The following SAMD12 variants were observed in gnomAD, a reference collection of about 807,000 sequenced individuals.
SAMD12 encodes the protein sterile alpha motif domain-containing protein 12.
Under a neutral mutation model 15.0 loss-of-function variants are expected in SAMD12, and 9 were observed. The ratio of observed to expected loss-of-function variants is 0.60; its 90% CI spans 0.36 to 1.05. The LOEUF (loss-of-function observed/expected upper bound fraction) is 1.05. Ranked by LOEUF, SAMD12 falls within the 50% of genes least tolerant of loss-of-function variation. SAMD12 has a pLI of 0.01. For synonymous variants in SAMD12, 86 were observed against 90.1 expected, an observed-to-expected ratio of 0.96 and a Z score of 0.25; for missense variants, 230 against 234.2, an observed-to-expected ratio of 0.98 and a Z score of 0.12.
chr8:118,209,712 T>C (rs1819965290), intron 4 of SAMD12, among the ~76,000 whole-genome samples: 2 of 152,218 alleles, frequency 1.3e-5, no homozygotes, highest in South Asian at 4.1e-4. Context: ...AAGACTACGA[T>C]GTTTGAAATT....
At chr8:118,134,003 C>T in the SAMD12 span, among the ~76,000 whole-genome samples, 4 of 152,102 alleles carry the variant, frequency 2.6e-5, no homozygotes, top group Admixed American at 6.6e-5. Flanking sequence ...TGAAACTGTT[C>T]GAGCTCTAAT....
In SAMD12 at chr8:118,605,765, A is replaced by T. The variant is rs538215358; in HGVS notation, c.13+16039T>A. Among the ~76,000 whole-genome samples, 74 of 127,570 alleles carry T rather than the reference A, an allele frequency of 5.8e-4. 1 individual carries two copies. Among genetic ancestry groups the T allele is most frequent in the African/African-American group, 1.5e-3 (50 of 34,468 alleles). 83.7% of individuals were successfully genotyped at this position (127,570 alleles called of 152,430 possible). On this transcript the variant is annotated intron_variant, in intron 1 of 3. Transcript: ENST00000314727. Reference sequence around the variant, plus strand: ...GTATGGCTGAAAACAAACCCATCACAATATATATATATATATATATATATA... The same window carrying T: ...GTATGGCTGAAAACAAACCCATCACTATATATATATATATATATATATATA...
chr8:118,139,814 C>A, the SAMD12 span, among the ~76,000 whole-genome samples: 3 of 152,346 alleles, frequency 2.0e-5, no homozygotes, highest in Admixed American at 6.5e-5. Flanking sequence ...GACTGAGGCC[C>A]ATTTTCCGTT....
chr8:118,571,561 C>T (rs749288458), intron 2 of SAMD12, among the ~76,000 whole-genome samples: 5 of 152,186 alleles, frequency 3.3e-5, no homozygotes, highest in South Asian at 4.1e-4. Flanking sequence ...TTTTGTGGGC[C>T]GGGCCCAGGG....
intron 2 of SAMD12, among the ~76,000 whole-genome samples, chr8:118,541,516 T>C (rs778673717): frequency 3.3e-5 from 5 of 152,156 alleles, no homozygotes; most frequent in Non-Finnish European, 7.3e-5. Context: ...ATTACTTAAA[T>C]GTGCCACTGT....
Position 118,379,679 on chromosome 8 carries a change from G to A in SAMD12, c.344C>T (p.Thr115Ile). The A allele has an allele frequency of 1.2e-6, 2 of 1,613,828 alleles. No individual in the cohort carries two copies. Among genetic ancestry groups the A allele is most frequent in the Non-Finnish European group, 1.7e-6 (2 of 1,179,786 alleles). The change falls in exon 4 of 4, where the codon ACT becomes ATT. Residue 115 changes from threonine (T) to isoleucine (I), a missense_variant. Physicochemically the swap from Thr to Ile is moderately conservative, Grantham distance 89. Transcript: ENST00000314727. ...DITGRALLRL[T>I]DKKLERMGIA... ...CCCCATTCGCTCGAGCTTTTTGTCA[G>A]TAAGTCTCAGCAGGGCTCGCCCTGC...
Position 118,430,511 on chromosome 8 carries a change from T to C in SAMD12, c.322+9321A>G, listed in dbSNP as rs962245875. On this transcript the variant is annotated intron_variant, in intron 3 of 3. Coordinates refer to ENST00000314727, the MANE Select transcript of SAMD12 (RefSeq NM_207506.3). ...CCGAGTAGCTGGGACTACAGGTGTA[T>C]GCCATCATGCCCAGCTAATTTTTGT... 3.7e-4 allele frequency among the ~76,000 whole-genome samples: 56 copies of C among 152,032 alleles called. 2 individuals carry two copies. Among genetic ancestry groups the C allele is most frequent in the East Asian group, 1.9e-4 (1 of 5,170 alleles).
chr8:118,391,184 C>T (rs1000945877), intron 3 of SAMD12, among the ~76,000 whole-genome samples: 4 of 152,148 alleles, frequency 2.6e-5, no homozygotes, highest in African/African-American at 9.7e-5. Flanking sequence ...TTGTCTTAGT[C>T]CCTGGGAAGA....
intron 3 of SAMD12, among the ~76,000 whole-genome samples, chr8:118,433,847 GGATA>G (rs1190653012): frequency 6.6e-6 from 1 of 152,156 alleles, no homozygotes; most frequent in Non-Finnish European, 1.5e-5. Context: ...CTGACACACT[GGATA>G]GTTAAATACG....
At chr8:118,471,401 T>C (rs1187866130) in intron 2 of SAMD12, among the ~76,000 whole-genome samples, 1 of 152,216 alleles carries the variant, frequency 6.6e-6, no homozygotes, top group African/African-American at 2.4e-5. Flanking sequence ...CATCGTGTAC[T>C]CCATTGCAAA....
chr8:118,495,011 A>G lies in SAMD12; in HGVS notation c.193-55050T>C, dbSNP rs565890422. ...CCTATCTACAGGCTGGGGATATGAA[A>G]GTCTGTATATTATGGAGTACTTACA... On this transcript the variant is annotated intron_variant, in intron 2 of 3. Coordinates refer to ENST00000314727, the MANE Select transcript of SAMD12 (RefSeq NM_207506.3). 4.0e-4 allele frequency among the ~76,000 whole-genome samples: 61 copies of G among 152,350 alleles called. No individual in the cohort carries two copies. In the South Asian group the frequency reaches 9.7e-3, roughly 24 times the overall value.
intron 2 of SAMD12, among the ~76,000 whole-genome samples, chr8:118,577,365 T>C (rs1187541410): frequency 2.0e-5 from 3 of 152,200 alleles, no homozygotes; most frequent in Non-Finnish European, 4.4e-5. Flanking sequence ...TTTAAAATTA[T>C]GAAAGCAATA....
At chr8:118,150,692 T>C in the SAMD12 span, among the ~76,000 whole-genome samples, 1 of 152,210 alleles carries the variant, frequency 6.6e-6, no homozygotes, top group Non-Finnish European at 1.5e-5. Flanking sequence ...CTTTAAATAA[T>C]TGATCATCTC....
the SAMD12 span, among the ~76,000 whole-genome samples, chr8:118,146,113 CTT>C: frequency 6.6e-6 from 1 of 152,326 alleles, no homozygotes; most frequent in South Asian, 2.1e-4. Context: ...CAAACTCCGA[CTT>C]CGGTACAGGA....
intron 2 of SAMD12, among the ~76,000 whole-genome samples, chr8:118,507,592 ATAAT>A (rs1048438471): frequency 6.6e-6 from 1 of 152,220 alleles, no homozygotes; most frequent in Non-Finnish European, 1.5e-5. Context: ...GATATCAATA[ATAAT>A]TAAAGTTAAT....
chr8:118,177,909 G>C, the SAMD12 span, among the ~76,000 whole-genome samples: 2 of 152,146 alleles, frequency 1.3e-5, no homozygotes, highest in African/African-American at 4.8e-5. Flanking sequence ...CACACATGCA[G>C]GTTTATCTGC....
intron 4 of SAMD12, among the ~76,000 whole-genome samples, chr8:118,321,535 A>C (rs1376733410): frequency 6.6e-6 from 1 of 151,922 alleles, no homozygotes; most frequent in Non-Finnish European, 1.5e-5. Flanking sequence ...AATTGCTTGA[A>C]CCTAGGAGAT....
At chr8:118,217,659 A>AG (rs1209754287) in intron 4 of SAMD12, among the ~76,000 whole-genome samples, 2 of 122,826 alleles carry the variant, frequency 1.6e-5, no homozygotes, top group East Asian at 4.0e-4. Context: ...GAAAGAGAGG[A>AG]GAAAAAAAGG....
rs565481297 is a variant in SAMD12 at position 118,471,111 on chromosome 8, A to C, written c.193-31150T>G. Reference sequence around the variant, plus strand: ...CTCAAATGAAATTGCTAATTTAATAATAAAGCATGATTTTCTCATACCAAT... The same window carrying C: ...CTCAAATGAAATTGCTAATTTAATACTAAAGCATGATTTTCTCATACCAAT... On this transcript the variant is annotated intron_variant, in intron 2 of 3. Coordinates refer to ENST00000314727, the MANE Select transcript of SAMD12 (RefSeq NM_207506.3). Among the ~76,000 whole-genome samples the C allele has an allele frequency of 2.3e-3, 353 of 152,378 alleles. 1 individual carries two copies. The highest frequency in any genetic ancestry group is 4.4e-3 in the Non-Finnish European group (300 of 68,040).
Sources: allele counts gnomAD v4.1 joint callset (sites outside exome capture counted in the v4.1 genomes callset), GRCh38; gene constraint gnomAD v4.1.1; transcripts MANE v1.5; gene names NCBI Gene and HGNC (gene_info 2026-07-23, HGNC 2026-07-21).